The following KIZ variants were observed in gnomAD, a reference collection of about 807,000 sequenced individuals.
KIZ encodes kizuna centrosomal protein, also known as centrosomal protein kizuna.
In KIZ, 68 loss-of-function variants were observed where a neutral mutation model predicts 79.6. The ratio of observed to expected loss-of-function variants is 0.85; its 90% CI spans 0.70 to 1.05. The LOEUF is 1.05. Ranked by LOEUF, KIZ falls within the 50% of genes least tolerant of loss-of-function variation. The pLI is 0.00. For missense variants in KIZ, 797 were observed against 800.4 expected (o/e 1.00, Z 0.05); for synonymous variants, 280 against 281.8 (o/e 0.99, Z 0.06).
chr20:21,233,611 C>T (rs1023038778), intron 11 of KIZ, among the ~76,000 whole-genome samples: 19 of 152,156 alleles, frequency 1.2e-4, no homozygotes, highest in Non-Finnish European at 2.6e-4. Context: ...GATTATATTA[C>T]ATTTGAATTA....
chr20:21,126,640 G>A (rs1387343679), intron 1 of KIZ, among the ~76,000 whole-genome samples: 1 of 151,902 alleles, frequency 6.6e-6, no homozygotes, highest in Non-Finnish European at 1.5e-5. Context: ...GTCCTGGAAC[G>A]CAGACGGTTG....
intron 1 of KIZ, among the ~76,000 whole-genome samples, chr20:21,127,180 C>T (rs1234701100): frequency 6.6e-6 from 1 of 152,232 alleles, no homozygotes; most frequent in Non-Finnish European, 1.5e-5. Context: ...GCATCTACAA[C>T]AGGCTTCCTT....
chr20:21,227,680 G>A (rs888364233), intron 9 of KIZ, among the ~76,000 whole-genome samples: 4 of 152,074 alleles, frequency 2.6e-5, no homozygotes, highest in Non-Finnish European at 2.9e-5. Flanking sequence ...AGGATTAGCC[G>A]GAGGTCATCA....
At chr20:21,238,879 A>G (rs565348993) in intron 11 of KIZ, among the ~76,000 whole-genome samples, 49 of 152,004 alleles carry the variant, frequency 3.2e-4, no homozygotes, top group Admixed American at 1.6e-3. Context: ...AAGGGCACCC[A>G]CTCATCAGGT....
chr20:21,210,409 A>T (rs2036019543), intron 7 of KIZ, among the ~76,000 whole-genome samples: 1 of 152,182 alleles, frequency 6.6e-6, no homozygotes, highest in Non-Finnish European at 1.5e-5. Context: ...TTTGCTGCAA[A>T]GTGAACTCTT....
intron 6 of KIZ, chr20:21,197,189 G>T (rs16982560): frequency 2.0e-5 from 3 of 152,080 alleles, no homozygotes; most frequent in Non-Finnish European, 4.4e-5. Flanking sequence ...CTATTTGAAG[G>T]CTACTGTGAT....
At chr20:21,186,128 A>G (rs574869987) in intron 6 of KIZ, among the ~76,000 whole-genome samples, 2 of 152,298 alleles carry the variant, frequency 1.3e-5, no homozygotes, top group East Asian at 3.9e-4. Context: ...ATTGTTTACT[A>G]GTAAAAAATG....
intron 9 of KIZ, among the ~76,000 whole-genome samples, chr20:21,227,156 C>T (rs2123410803): frequency 6.6e-6 from 1 of 152,280 alleles, no homozygotes; most frequent in South Asian, 2.1e-4. Flanking sequence ...AGCCCTTCTC[C>T]TGTTTGGGCA....
chr20:21,161,862 GTGTTGCA>G lies in KIZ; in HGVS notation c.406-8_406-2del. 6.3e-7 allele frequency: 1 copy of G among 1,597,962 alleles called. No homozygotes were observed. The highest frequency in any genetic ancestry group is 8.6e-7 in the Non-Finnish European group (1 of 1,168,128). ...GTATGTTTAACTCACATCTCTTTTG[GTGTTGCA>G]GGTTGCAGTGCACGAGGGGATTAAC... On this transcript the variant is annotated splice_acceptor_variant and splice_polypyrimidine_tract_variant and intron_variant, in intron 4 of 12. Transcript: ENST00000619189. LOFTEE classifies it high-confidence loss of function.
intron 10 of KIZ, among the ~76,000 whole-genome samples, chr20:21,232,168 T>C (rs2036855738): frequency 6.6e-6 from 1 of 152,188 alleles, no homozygotes. Context: ...GGGGGCATTG[T>C]GGGAATATCC....
rs368190969 is a variant in KIZ, at chr20:21,162,293, C to G, written c.828C>G (p.Ser276=). ...SEGKKSAELN[S]PLRERLSPEN... ...GCAAAAAGTCTGCTGAACTCAATTC[C>G]CCGTTACGGGAAAGATTAAGTCCAG... Residue 276 remains serine (S), a synonymous_variant, in exon 5 of 13, where the codon TCC becomes TCG. Coordinates refer to ENST00000619189, the MANE Select transcript of KIZ (RefSeq NM_018474.6). 52 of 1,613,744 alleles carry G rather than the reference C, an allele frequency of 3.2e-5. No individual in the cohort carries two copies. The African/African-American group carries it at 6.7e-4, about 21-fold the overall frequency.
chr20:21,203,424 G>A (rs2035674602), intron 6 of KIZ, among the ~76,000 whole-genome samples: 2 of 152,162 alleles, frequency 1.3e-5, no homozygotes, highest in Non-Finnish European at 2.9e-5. Flanking sequence ...AAACCGGGCA[G>A]CACATAATGT....
intron 6 of KIZ, among the ~76,000 whole-genome samples, chr20:21,203,990 A>G (rs551350960): frequency 2.7e-5 from 4 of 150,048 alleles, no homozygotes; most frequent in African/African-American, 9.8e-5. Flanking sequence ...TTCAACTTCT[A>G]TCTTTATGAA....
chr20:21,231,970 A>T (rs2123445269), intron 10 of KIZ, among the ~76,000 whole-genome samples: 1 of 152,316 alleles, frequency 6.6e-6, no homozygotes, highest in Non-Finnish European at 1.5e-5. Context: ...TAAAATAATC[A>T]CTTTGCTGCA....
At chr20:21,241,277 A>G (rs763819469) in intron 11 of KIZ, among the ~76,000 whole-genome samples, 25 of 152,216 alleles carry the variant, frequency 1.6e-4, no homozygotes, top group Non-Finnish European at 3.4e-4. Flanking sequence ...AGAATTCTGT[A>G]TAATAAAAAA....
At chr20:21,167,002 G>A (rs1247054724) in intron 6 of KIZ, among the ~76,000 whole-genome samples, 3 of 152,146 alleles carry the variant, frequency 2.0e-5, no homozygotes, top group Admixed American at 1.3e-4. Context: ...CAGCCTCTAG[G>A]GGCTAAGGGC....
chr20:21,239,132 A>G (rs1457236573), intron 11 of KIZ, among the ~76,000 whole-genome samples: 4 of 152,230 alleles, frequency 2.6e-5, no homozygotes, highest in East Asian at 3.8e-4. Context: ...TTATCAGAAC[A>G]CTTCCAGGAA....
chr20:21,209,461 C>A (rs373105392), intron 7 of KIZ, among the ~76,000 whole-genome samples: 29 of 152,270 alleles, frequency 1.9e-4, no homozygotes, highest in African/African-American at 6.7e-4. Context: ...CCTGCCCCCA[C>A]CATACACACA....
chr20:21,145,524 T>G, intron 3 of KIZ, 41 bp from the exon 4 acceptor site: 2 of 1,013,774 alleles, frequency 2.0e-6, no homozygotes, highest in African/African-American at 1.6e-5. Flanking sequence ...GTGCTAGTTG[T>G]AAAAATATTT....
Sources: gnomAD v4.1 joint callset for allele counts (sites outside exome capture counted in the v4.1 genomes callset) on GRCh38, gnomAD v4.1.1 for gene constraint, MANE v1.5 for transcripts, NCBI Gene and HGNC (gene_info 2026-07-23, HGNC 2026-07-21) for gene names.